ZNF90: variants seen among roughly 807,000 people sequenced by gnomAD.
ZNF90 encodes zinc finger protein HTF9.
ZNF90 carries 11 observed loss-of-function variants against 12.0 expected under a neutral mutation model. The observed-to-expected ratio is 0.92, with a 90% confidence interval of 0.58 to 1.52. The LOEUF is 1.52. Ranked by LOEUF, ZNF90 falls within the 40% of genes most tolerant of loss-of-function variation. The pLI, the probability that ZNF90 is intolerant of heterozygous loss-of-function variation, is 0.00. For missense variants in ZNF90, 765 were observed against 711.5 expected (o/e 1.08, Z -0.86); for synonymous variants, 232 against 240.1 (o/e 0.97, Z 0.31).
In ZNF90 at chr19:20,118,070, T is replaced by C; in HGVS notation, c.516T>C (p.Pro172=). The change falls in exon 4 of 4, where the codon CCT becomes CCC. Residue 172 remains proline (P), a synonymous_variant. Transcript: ENST00000418063. ...AGATAAGAGATACTGGAAAAAAACC[T>C]TTCAAATGTATAGAATGTGGCAAAG... ...RHKIRDTGKK[P]FKCIECGKAF... is the part of the protein sequence containing the mutation. 1.2e-6 allele frequency: 2 copies of C among 1,613,210 alleles called. No homozygotes were observed. Among genetic ancestry groups the C allele is most frequent in the South Asian group, 2.2e-5 (2 of 90,998 alleles).
At chr19:20,106,675 G>A (rs551383359) in intron 3 of ZNF90, among the ~76,000 whole-genome samples, 20 of 152,292 alleles carry the variant, frequency 1.3e-4, no homozygotes, top group African/African-American at 4.3e-4. Context: ...GGATGGTCTC[G>A]ATCTTCTGAC....
At chr19:20,079,851 G>C (rs897285218) in intron 1 of ZNF90, 8 of 382,930 alleles carry the variant, frequency 2.1e-5, no homozygotes, top group Middle Eastern at 6.9e-4. Context: ...GCCCTGAAGC[G>C]ATGTAAGCAA....
intron 1 of ZNF90, among the ~76,000 whole-genome samples, chr19:20,082,712 C>G (rs1402767822): frequency 6.6e-6 from 1 of 152,112 alleles, no homozygotes; most frequent in Non-Finnish European, 1.5e-5. Flanking sequence ...GAAATATGAC[C>G]TCATGGCAAG....
rs782422091 is a variant in ZNF90 at position 20,118,966 on chromosome 19, A to T, written c.1412A>T (p.His471Leu). ...AAGCGCTCCTCAAACCTTACTACAC[A>T]TAAGATAAGTCATACTGAAGAGAAA... ...AFKRSSNLTT[H>L]KISHTEEKLY... The change falls in exon 4 of 4, where the codon CAT becomes CTT. Residue 471 changes from histidine (H) to leucine (L), a missense_variant. Physicochemically the swap from His to Leu is moderately conservative, Grantham distance 99. Coordinates refer to ENST00000418063, the MANE Select transcript of ZNF90 (RefSeq NM_007138.2). 6 of 1,611,824 alleles carry T rather than the reference A, an allele frequency of 3.7e-6. No individual in the cohort carries two copies. Among genetic ancestry groups the T allele is most frequent in the Non-Finnish European group, 5.1e-6 (6 of 1,178,778 alleles).
intron 1 of ZNF90, chr19:20,080,418 CG>C: frequency 2.8e-6 from 1 of 353,366 alleles, no homozygotes; most frequent in Non-Finnish European, 5.6e-6. Context: ...GTGGATGCGG[CG>C]GGGGCCAATC....
chr19:20,080,985 C>T (rs1481287296), intron 1 of ZNF90, among the ~76,000 whole-genome samples: 1 of 152,140 alleles, frequency 6.6e-6, no homozygotes, highest in Non-Finnish European at 1.5e-5. Context: ...TGTCACACTG[C>T]CCATTGTCCT....
At chr19:20,086,232 CTTTTTTT>C (rs59433953) in intron 1 of ZNF90, among the ~76,000 whole-genome samples, 1 of 99,796 alleles carries the variant, frequency 1.0e-5, no homozygotes, top group Non-Finnish European at 2.0e-5. Flanking sequence ...ATTTTCTTTT[CTTTTTTT>C]TTTTTTTTTT....
At chr19:20,114,403 A>G (rs1484036032) in intron 3 of ZNF90, among the ~76,000 whole-genome samples, 2 of 152,190 alleles carry the variant, frequency 1.3e-5, no homozygotes, top group African/African-American at 4.8e-5. Context: ...ACAACTACCA[A>G]TTCTTCCCAT....
intron 1 of ZNF90, among the ~76,000 whole-genome samples, chr19:20,093,959 G>T (rs958123975): frequency 6.6e-6 from 1 of 152,224 alleles, no homozygotes; most frequent in African/African-American, 2.4e-5. Context: ...GGTTCTAGGA[G>T]TGGCTGCCGG....
Position 20,119,391 on chromosome 19 carries a change from T to C in ZNF90, c.*31T>C. On this transcript the variant is annotated 3_prime_UTR_variant, in exon 4 of 4. Transcript: ENST00000418063. ...TCCTCAACCCTTAATAAACATAAGA[T>C]AATTCATACTGGAGAGAAACCGTAT... 1 of 1,527,454 alleles carries C rather than the reference T, an allele frequency of 6.5e-7. No individual in the cohort carries two copies. The highest frequency in any genetic ancestry group is 8.8e-7 in the Non-Finnish European group (1 of 1,132,452). The allele number at this position is 1,527,454 out of a possible 1,614,324, so 94.6% of individuals were successfully genotyped here. A position where few individuals can be genotyped will look rare whatever the true frequency, so the allele number is the denominator to read the frequency against.
intron 1 of ZNF90, among the ~76,000 whole-genome samples, chr19:20,096,340 G>T (rs1555703275): frequency 6.6e-6 from 1 of 152,168 alleles, no homozygotes; most frequent in Non-Finnish European, 1.5e-5. Context: ...CAAATTTCAT[G>T]CATGTCCGTG....
intron 3 of ZNF90, among the ~76,000 whole-genome samples, chr19:20,111,565 A>G (rs888949739): frequency 4.7e-4 from 71 of 152,194 alleles, no homozygotes; most frequent in Middle Eastern, 3.4e-3. Context: ...ATTACCAGTT[A>G]TATAATTATT....
At chr19:20,087,774 C>T (rs111893402) in intron 1 of ZNF90, among the ~76,000 whole-genome samples, 15 of 151,978 alleles carry the variant, frequency 9.9e-5, no homozygotes, top group Non-Finnish European at 1.9e-4. Context: ...GGGCTGAGTC[C>T]GAAAAGAGAG....
chr19:20,115,647 T>C (rs1413322866), intron 3 of ZNF90, among the ~76,000 whole-genome samples: 1 of 152,078 alleles, frequency 6.6e-6, no homozygotes, highest in Admixed American at 6.5e-5. Context: ...ATTTTACTTA[T>C]ATATGTGTTT....
At chr19:20,113,650 A>C (rs1325190679) in intron 3 of ZNF90, among the ~76,000 whole-genome samples, 1 of 152,008 alleles carries the variant, frequency 6.6e-6, no homozygotes, top group Non-Finnish European at 1.5e-5. Flanking sequence ...TAACACGGTG[A>C]AACCCGTCTG....
At chr19:20,090,055 A>G (rs1233213971) in intron 1 of ZNF90, among the ~76,000 whole-genome samples, 2 of 152,234 alleles carry the variant, frequency 1.3e-5, no homozygotes, top group Non-Finnish European at 2.9e-5. Flanking sequence ...AAGATCATCT[A>G]TCCACTCTAA....
intron 1 of ZNF90, among the ~76,000 whole-genome samples, chr19:20,087,799 T>A (rs1283172140): frequency 1.3e-5 from 2 of 152,084 alleles, no homozygotes; most frequent in Admixed American, 1.3e-4. Flanking sequence ...CAAAGGGAGA[T>A]AAGTGTGGGG....
chr19:20,105,294 T>G lies in ZNF90; in HGVS notation c.204T>G (p.His68Gln). 4 of 1,607,142 alleles carry G rather than the reference T, an allele frequency of 2.5e-6. No homozygotes were observed. The highest frequency in any genetic ancestry group is 3.4e-6 in the Non-Finnish European group (4 of 1,176,112). Residue 68 changes from histidine to glutamine, a missense_variant, in exon 3 of 4, where the codon CAT (histidine) becomes CAG (glutamine). His to Gln is a conservative substitution (Grantham distance 24). Coordinates refer to ENST00000418063, the MANE Select transcript of ZNF90 (RefSeq NM_007138.2). Reference protein sequence around the residue: ...QGKKPFTVKRHEMIAKSPVMC... With the variant: ...QGKKPFTVKRQEMIAKSPVMC... Reference sequence around the variant, plus strand: ...AAAAACCCTTCACTGTGAAGAGACATGAGATGATTGCCAAATCCCCAGGTA... The same window carrying G: ...AAAAACCCTTCACTGTGAAGAGACAGGAGATGATTGCCAAATCCCCAGGTA...
At chr19:20,086,232 C>CTTTTTTTTTT (rs59433953) in intron 1 of ZNF90, among the ~76,000 whole-genome samples, 7 of 99,798 alleles carry the variant, frequency 7.0e-5, no homozygotes, top group East Asian at 3.2e-4. Context: ...ATTTTCTTTT[C>CTTTTTTTTTT]TTTTTTTTTT....
Sources: allele counts gnomAD v4.1 joint callset (sites outside exome capture counted in the v4.1 genomes callset), GRCh38; gene constraint gnomAD v4.1.1; transcripts MANE v1.5; gene names NCBI Gene and HGNC (gene_info 2026-07-23, HGNC 2026-07-21).